ERICH6B: variants seen among roughly 807,000 people sequenced by gnomAD.
The protein encoded by ERICH6B is glutamate rich 6B, also known as glutamate-rich protein 6B.
In ERICH6B, 69 loss-of-function variants were observed where a neutral mutation model predicts 80.0. The ratio of observed to expected loss-of-function variants is 0.86; its 90% CI spans 0.71 to 1.05. The LOEUF (loss-of-function observed/expected upper bound fraction) is 1.05. ERICH6B is among the 50% of genes least tolerant of loss of function. The pLI, the probability that ERICH6B is intolerant of heterozygous loss-of-function variation, is 0.00. For missense variants in ERICH6B, 754 were observed against 796.1 expected (o/e 0.95, Z 0.64); for synonymous variants, 283 against 291.9 (o/e 0.97, Z 0.31).
intron 11 of ERICH6B, among the ~76,000 whole-genome samples, chr13:45,552,369 T>TTCCTCA (rs1874256745): frequency 6.6e-6 from 1 of 152,126 alleles, no homozygotes; most frequent in Non-Finnish European, 1.5e-5. Flanking sequence ...CACACACACC[T>TTCCTCA]GGCTCAGAAG....
chr13:45,609,237 C>T (rs952073823), intron 1 of ERICH6B, among the ~76,000 whole-genome samples: 1 of 152,196 alleles, frequency 6.6e-6, no homozygotes, highest in Non-Finnish European at 1.5e-5. Flanking sequence ...CTGGGCCGAC[C>T]CAAGTTGGCC....
chr13:45,581,678 A>C (rs1875678018), intron 5 of ERICH6B, among the ~76,000 whole-genome samples: 1 of 152,194 alleles, frequency 6.6e-6, no homozygotes, highest in South Asian at 2.1e-4. Flanking sequence ...CGCCTGGCCC[A>C]TTCCATTCTT....
intron 13 of ERICH6B, among the ~76,000 whole-genome samples, chr13:45,545,601 GTT>G (rs773627040): frequency 2.2e-4 from 34 of 152,262 alleles, no homozygotes; most frequent in Non-Finnish European, 4.1e-4. Context: ...TTTTGTTTTT[GTT>G]TAATTTTTAT....
intron 12 of ERICH6B, 75 bp from the exon 13 acceptor site, chr13:45,550,120 G>T: frequency 6.5e-7 from 1 of 1,539,102 alleles, no homozygotes; most frequent in Non-Finnish European, 8.8e-7. Flanking sequence ...AGATGATGCA[G>T]GCCTCAGTCA....
intron 2 of ERICH6B, 32 bp from the exon 3 acceptor site, chr13:45,597,095 G>T: frequency 7.4e-7 from 1 of 1,353,108 alleles, no homozygotes; most frequent in Non-Finnish European, 9.9e-7. Context: ...AATCCTATTA[G>T]CCAGTAATAG....
At chr13:45,605,832 C>G (rs76984736) in intron 2 of ERICH6B, among the ~76,000 whole-genome samples, 6,937 of 152,256 alleles carry the variant, frequency 0.046, 170 homozygotes, top group African/African-American at 0.051. Context: ...TTACTATGTG[C>G]CTAGAACAGA....
intron 13 of ERICH6B, among the ~76,000 whole-genome samples, chr13:45,548,666 G>C (rs903700373): frequency 6.6e-6 from 1 of 152,122 alleles, no homozygotes; most frequent in Non-Finnish European, 1.5e-5. Context: ...GACTGAGAGG[G>C]GGAGCTCTTC....
chr13:45,606,230 G>T (rs568617124), intron 2 of ERICH6B, among the ~76,000 whole-genome samples: 1 of 152,226 alleles, frequency 6.6e-6, no homozygotes, highest in African/African-American at 2.4e-5. Context: ...GTCAGATAAA[G>T]AACCTTTCAA....
At chr13:45,549,282 C>CAA (rs368067961) in intron 13 of ERICH6B, among the ~76,000 whole-genome samples, 3 of 99,570 alleles carry the variant, frequency 3.0e-5, no homozygotes. Flanking sequence ...GACTCCGTCA[C>CAA]AAAAAAAAAA....
At chr13:45,562,829 G>T (rs1218307479) in intron 10 of ERICH6B, among the ~76,000 whole-genome samples, 1 of 152,240 alleles carries the variant, frequency 6.6e-6, no homozygotes, top group East Asian at 1.9e-4. Flanking sequence ...GGCAGGCAGG[G>T]CCTGCAGCAG....
At chr13:45,547,452 A>C (rs2137958002) in intron 13 of ERICH6B, among the ~76,000 whole-genome samples, 1 of 152,338 alleles carries the variant, frequency 6.6e-6, no homozygotes, top group East Asian at 1.9e-4. Context: ...TTAACCAATC[A>C]GTAACAAAAG....
Position 45,607,625 on chromosome 13 carries a change from A to G in ERICH6B, c.-110-10T>C, listed in dbSNP as rs1368210413. 1 of 152,402 alleles carries G rather than the reference A, an allele frequency of 6.6e-6. No homozygotes were observed. Among genetic ancestry groups the G allele is most frequent in the Non-Finnish European group, 1.5e-5 (1 of 68,036 alleles). 9.4% of individuals were successfully genotyped at this position (152,402 alleles called of 1,614,324 possible). A position where few individuals can be genotyped will look rare whatever the true frequency, so the allele number is the denominator to read the frequency against. On this transcript the variant is annotated splice_polypyrimidine_tract_variant and intron_variant, in intron 1 of 14. Coordinates refer to ENST00000298738, the MANE Select transcript of ERICH6B (RefSeq NM_182542.3). Reference sequence around the variant, plus strand: ...TTTTCAACAATAACAGCTGAAGGAAAAATGTTTTCTGGTTAGTTATCCAGG... The same window carrying G: ...TTTTCAACAATAACAGCTGAAGGAAGAATGTTTTCTGGTTAGTTATCCAGG...
At chr13:45,577,625 T>A (rs963843301) in intron 7 of ERICH6B, among the ~76,000 whole-genome samples, 2 of 152,094 alleles carry the variant, frequency 1.3e-5, no homozygotes, top group Non-Finnish European at 2.9e-5. Flanking sequence ...ATTAAAACAT[T>A]TTTTTAGGGA....
intron 3 of ERICH6B, among the ~76,000 whole-genome samples, chr13:45,596,055 A>G (rs958141184): frequency 1.3e-5 from 2 of 152,242 alleles, no homozygotes; most frequent in Non-Finnish European, 2.9e-5. Context: ...CTTTATGTTT[A>G]TGAAGTCTTC....
At chr13:45,584,842 C>T (rs1427021378) in intron 5 of ERICH6B, among the ~76,000 whole-genome samples, 2 of 152,332 alleles carry the variant, frequency 1.3e-5, no homozygotes, top group East Asian at 1.9e-4. Flanking sequence ...CTCTGCTTGT[C>T]TGCATCTGCC....
chr13:45,587,412 C>G (rs1875958950), intron 4 of ERICH6B, among the ~76,000 whole-genome samples, 180 bp from the exon 5 acceptor site: 1 of 152,140 alleles, frequency 6.6e-6, no homozygotes, highest in Admixed American at 6.5e-5. Flanking sequence ...TCACTCTGGG[C>G]AGCAGAGCCA....
Position 45,550,304 on chromosome 13 carries a change from C to T in ERICH6B, c.1420G>A (p.Asp474Asn). ...IQKKTVVHQGDGKLILYPNKN... is the reference protein window; with the variant it reads ...IQKKTVVHQGNGKLILYPNKN... ...TTGGGGTAGAGAATTAATTTTCCAT[C>T]ACCTTGATGCACCTGGGAAGAAAAG... Residue 474 changes from aspartate (D) to asparagine (N), a missense_variant, in exon 12 of 15, where the codon GAT becomes AAT. Coordinates refer to ENST00000298738, the MANE Select transcript of ERICH6B (RefSeq NM_182542.3). The T allele has an allele frequency of 1.3e-6, 2 of 1,551,326 alleles. No homozygotes were observed. The highest frequency in any genetic ancestry group is 1.7e-6 in the Non-Finnish European group (2 of 1,146,700).
intron 2 of ERICH6B, among the ~76,000 whole-genome samples, chr13:45,600,912 C>T (rs1297563408): frequency 6.6e-6 from 1 of 152,118 alleles, no homozygotes. Flanking sequence ...CCAGTTTTAG[C>T]AAGAAGCCTG....
At chr13:45,547,535 T>C (rs1329753196) in intron 13 of ERICH6B, among the ~76,000 whole-genome samples, 2 of 152,202 alleles carry the variant, frequency 1.3e-5, no homozygotes, top group Non-Finnish European at 2.9e-5. Flanking sequence ...CTTAAACTAA[T>C]GCTAAAAGCC....
Sources: allele counts gnomAD v4.1 joint callset (sites outside exome capture counted in the v4.1 genomes callset), GRCh38; gene constraint gnomAD v4.1.1; transcripts MANE v1.5; gene names NCBI Gene and HGNC (gene_info 2026-07-23, HGNC 2026-07-21).